The following CCDC141 variants were observed in gnomAD, a reference collection of about 807,000 sequenced individuals.
CCDC141 encodes the protein coiled-coil domain containing 141.
In CCDC141, 168 loss-of-function variants were observed where a neutral mutation model predicts 181.0. That is an observed-to-expected ratio of 0.93 (90% CI 0.82 to 1.05). CCDC141 has a LOEUF of 1.05. Ranked by LOEUF, CCDC141 falls within the 50% of genes least tolerant of loss-of-function variation. The probability of loss-of-function intolerance (pLI) is 0.00; values close to 1 mark genes in which losing one functional copy is unlikely to be tolerated. For synonymous variants in CCDC141, 666 were observed against 642.3 expected (o/e 1.04, Z -0.56); for missense variants, 1,902 against 1,788.5 (o/e 1.06, Z -1.14).
rs563631243 is a variant in CCDC141, at chr2:178,913,119, G to A, written c.1092+5594C>T. Among the ~76,000 whole-genome samples, 3 of 152,190 alleles carry A rather than the reference G, an allele frequency of 2.0e-5. No individual in the cohort carries two copies. The South Asian group carries it at 6.2e-4, about 32-fold the overall frequency. On this transcript the variant is annotated intron_variant, in intron 7 of 23. Transcript: ENST00000443758. Reference sequence around the variant, plus strand: ...AGGGATTATATCTTTCATTGCTTTCGCTCAAGTACCCATTTGATGCATGGC... The same window carrying A: ...AGGGATTATATCTTTCATTGCTTTCACTCAAGTACCCATTTGATGCATGGC...
chr2:179,028,221 A>G (rs1335492451), intron 2 of CCDC141, among the ~76,000 whole-genome samples: 1 of 152,138 alleles, frequency 6.6e-6, no homozygotes, highest in Non-Finnish European at 1.5e-5. Context: ...TAATCTTCCT[A>G]TCACTGCTTC....
intron 5 of CCDC141, among the ~76,000 whole-genome samples, chr2:178,957,320 A>G (rs539851278): frequency 6.6e-6 from 1 of 152,332 alleles, no homozygotes; most frequent in East Asian, 1.9e-4. Flanking sequence ...CTGTGAGTTA[A>G]GTATTATTCC....
At chr2:178,989,829 TA>T (rs71023463) in intron 2 of CCDC141, among the ~76,000 whole-genome samples, 2,230 of 81,378 alleles carry the variant, frequency 0.027, 34 homozygotes, top group African/African-American at 0.07. Flanking sequence ...GCTATAATCT[TA>T]AAAAAAAAAA....
At chr2:178,844,751 AG>A (rs1429640108) in intron 22 of CCDC141, among the ~76,000 whole-genome samples, 1 of 152,114 alleles carries the variant, frequency 6.6e-6, no homozygotes, top group East Asian at 1.9e-4. Context: ...TTACAAATGG[AG>A]AGGGTTTTTG....
chr2:179,036,356 T>C (rs919394982), intron 2 of CCDC141, among the ~76,000 whole-genome samples: 7 of 152,342 alleles, frequency 4.6e-5, no homozygotes, highest in African/African-American at 1.7e-4. Context: ...AACTCCATGT[T>C]GAAGAAGCCT....
intron 2 of CCDC141, among the ~76,000 whole-genome samples, chr2:179,029,276 T>C (rs547345931): frequency 6.6e-6 from 1 of 152,332 alleles, no homozygotes; most frequent in East Asian, 1.9e-4. Context: ...CTTGCCATGA[T>C]TGTATTTTAA....
chr2:178,837,428 G>T lies in CCDC141; in HGVS notation c.3791C>A (p.Ser1264Tyr), dbSNP rs767025406. 1.2e-6 allele frequency: 2 copies of T among 1,614,114 alleles called. No individual in the cohort carries two copies. Among genetic ancestry groups the T allele is most frequent in the Non-Finnish European group, 1.7e-6 (2 of 1,179,984 alleles). The stretch of plus-strand genomic sequence containing the variant: ...AAAGGCAACAGGTGGTGGAAGAACA[G>T]ATTCCTGGGCATCCCCTGGGCTGCT... The part of the protein sequence containing the change: ...GTSSPGDAQE[S>Y]VLPPPVAFAD... Residue 1264 changes from serine to tyrosine, a missense_variant, in exon 23 of 24, where the codon TCT becomes TAT. Ser to Tyr is a moderately radical substitution (Grantham distance 144). Transcript: ENST00000443758.
chr2:178,965,948 G>A (rs1023069641), intron 4 of CCDC141, among the ~76,000 whole-genome samples: 22 of 152,162 alleles, frequency 1.4e-4, no homozygotes, highest in Admixed American at 1.1e-3. Flanking sequence ...AGGGGCGTCC[G>A]CCATTGCTGA....
At chr2:178,981,636 G>GTGTGTATATATATATATA (rs1313433628) in intron 2 of CCDC141, among the ~76,000 whole-genome samples, 12 of 62,396 alleles carry the variant, frequency 1.9e-4, no homozygotes, top group South Asian at 1.8e-3. Context: ...GTGTGTGTGT[G>GTGTGTATATATATATATA]TATATATATA....
intron 5 of CCDC141, among the ~76,000 whole-genome samples, chr2:178,957,893 C>G (rs958008444): frequency 6.6e-6 from 1 of 152,110 alleles, no homozygotes; most frequent in Non-Finnish European, 1.5e-5. Context: ...CACCTGGCTA[C>G]TTTAAAACAT....
intron 4 of CCDC141, among the ~76,000 whole-genome samples, chr2:178,961,704 C>T (rs567547818): frequency 6.6e-6 from 1 of 152,250 alleles, no homozygotes; most frequent in South Asian, 2.1e-4. Context: ...TGCTAACTGC[C>T]AACTGATGGG....
rs747236775 is a variant in CCDC141, at chr2:178,871,516, T to C, written c.2116A>G (p.Met706Val). Residue 706 changes from methionine (M) to valine (V), a missense_variant, in exon 14 of 24, where the codon ATG (methionine) becomes GTG (valine). Coordinates refer to ENST00000443758, the MANE Select transcript of CCDC141 (RefSeq NM_173648.4). ...HNLKLLQEAL[M>V]PVSALDLGGS... is the part of the protein sequence containing the mutation. ...CCGAGGTCAAGTGCAGACACAGGCA[T>C]AAGTGCTTCCTGAAGAAGTTTTAAG... 10 of 1,613,950 alleles carry C rather than the reference T, an allele frequency of 6.2e-6. No individual in the cohort carries two copies. In the South Asian group the frequency reaches 1.1e-4, roughly 18 times the overall value.
At chr2:179,043,646 G>A (rs1413178776) in intron 2 of CCDC141, among the ~76,000 whole-genome samples, 2 of 152,102 alleles carry the variant, frequency 1.3e-5, no homozygotes, top group African/African-American at 2.4e-5. Context: ...TAAAAACTCG[G>A]AATAAACTAG....
At chr2:178,923,233 T>G (rs972044011) in intron 6 of CCDC141, among the ~76,000 whole-genome samples, 6 of 150,300 alleles carry the variant, frequency 4.0e-5, no homozygotes, top group East Asian at 2.0e-4. Flanking sequence ...GCCTCCCAAG[T>G]AGCTGGGACT....
At chr2:178,909,523 A>G (rs1479123340) in intron 7 of CCDC141, among the ~76,000 whole-genome samples, 2 of 152,260 alleles carry the variant, frequency 1.3e-5, no homozygotes, top group African/African-American at 2.4e-5. Flanking sequence ...GGACTTTAAC[A>G]GGAAGCTACT....
intron 2 of CCDC141, among the ~76,000 whole-genome samples, chr2:178,980,205 G>A (rs1177843246): frequency 3.3e-5 from 5 of 152,008 alleles, no homozygotes; most frequent in East Asian, 3.9e-4. Flanking sequence ...ATCAAAATAC[G>A]CTGGGAGACC....
chr2:178,975,728 A>G (rs1691089573), intron 3 of CCDC141, among the ~76,000 whole-genome samples: 1 of 152,172 alleles, frequency 6.6e-6, no homozygotes, highest in Non-Finnish European at 1.5e-5. Context: ...TATTTTATAC[A>G]AAGCAAAAAA....
At chr2:179,049,554 C>T (rs188952286) in intron 1 of CCDC141, among the ~76,000 whole-genome samples, 23 of 151,328 alleles carry the variant, frequency 1.5e-4, no homozygotes, top group Non-Finnish European at 2.7e-4. Context: ...ACAGTATATG[C>T]TAGAGGTTTT....
At position 178,971,147 on chromosome 2, in the gene CCDC141, G is replaced by A. The variant is rs188840189; in HGVS notation, c.526+3910C>T. On this transcript the variant is annotated intron_variant, in intron 4 of 23. Coordinates refer to ENST00000443758, the MANE Select transcript of CCDC141 (RefSeq NM_173648.4). The stretch of plus-strand genomic sequence containing the variant: ...CACTTGAACAAGGGAGGTGGAGGTC[G>A]CAGTGATCTGAGATTGCACCACTGC... Among the ~76,000 whole-genome samples the A allele has an allele frequency of 1.3e-3, 199 of 152,232 alleles. 1 individual carries two copies. Among genetic ancestry groups the A allele is most frequent in the East Asian group, 5.8e-4 (3 of 5,194 alleles).
Sources: gnomAD v4.1 joint callset for allele counts (sites outside exome capture counted in the v4.1 genomes callset) on GRCh38, gnomAD v4.1.1 for gene constraint, MANE v1.5 for transcripts, NCBI Gene and HGNC (gene_info 2026-07-23, HGNC 2026-07-21) for gene names.